Variants in FNBP1 observed in about 807,000 individuals in gnomAD.
The protein encoded by FNBP1 is formin binding protein 1.
FNBP1 carries 26 observed loss-of-function variants against 90.6 expected under a neutral mutation model. That is an observed-to-expected ratio of 0.29 (90% confidence interval 0.21 to 0.40). The LOEUF is 0.40. Among genes scored for constraint, FNBP1 ranks in the 10% least tolerant of loss-of-function variants. The pLI is 1.00. For synonymous variants in FNBP1, 260 were observed against 265.2 expected, an observed-to-expected ratio of 0.98 and a Z score of 0.19; for missense variants, 635 against 768.0, an observed-to-expected ratio of 0.83 and a Z score of 2.05.
At chr9:129,893,001 C>T (rs1482032054) in intron 16 of FNBP1, among the ~76,000 whole-genome samples, 2 of 151,986 alleles carry the variant, frequency 1.3e-5, no homozygotes, top group Admixed American at 1.3e-4. Context: ...GACAGAATGC[C>T]TTTTTTCAAA....
intron 6 of FNBP1, among the ~76,000 whole-genome samples, chr9:129,930,895 T>C (rs80046460): frequency 0.013 from 1,940 of 152,340 alleles, 18 homozygotes; most frequent in Middle Eastern, 0.024. Context: ...ACCTGGCAAA[T>C]TCACTGCAGT....
intron 1 of FNBP1, among the ~76,000 whole-genome samples, chr9:129,999,257 T>C (rs1056829144): frequency 6.6e-6 from 1 of 152,182 alleles, no homozygotes; most frequent in Admixed American, 6.6e-5. Context: ...TCCTGCCTGA[T>C]GTCACATCAC....
At chr9:129,955,550 A>T (rs1209444271) in intron 6 of FNBP1, among the ~76,000 whole-genome samples, 2 of 151,640 alleles carry the variant, frequency 1.3e-5, no homozygotes, top group African/African-American at 4.8e-5. Flanking sequence ...AAAAAAAAAA[A>T]ATTATTTATT....
Position 129,900,742 on chromosome 9 carries a change from G to A in FNBP1, c.1429-195C>T, listed in dbSNP as rs1001698592. Among the ~76,000 whole-genome samples the A allele has an allele frequency of 6.6e-6, 1 of 152,222 alleles. No individual in the cohort carries two copies. The highest frequency in any genetic ancestry group is 2.4e-5 in the African/African-American group (1 of 41,462). ...CAGAATGGCCACGTTTTCTGCCTTC[G>A]ACTGTTCAAATGTACTGAAGGACGG... On this transcript the variant is annotated intron_variant, in intron 13 of 16. Coordinates refer to ENST00000446176, the MANE Select transcript of FNBP1 (RefSeq NM_015033.3). This position sits in a 1 kb window ranked among gnomAD's most constrained non-coding sequence, Gnocchi z 4.1.
chr9:130,030,435 CAA>C (rs66826963), intron 1 of FNBP1, among the ~76,000 whole-genome samples: 549 of 128,262 alleles, frequency 4.3e-3, no homozygotes, highest in Admixed American at 0.011. Flanking sequence ...ACTCCGTCTC[CAA>C]AAAAAAAAAA....
At chr9:130,038,251 A>T (rs1419430239) in intron 1 of FNBP1, among the ~76,000 whole-genome samples, 1 of 149,398 alleles carries the variant, frequency 6.7e-6, no homozygotes, top group African/African-American at 2.5e-5. Context: ...GCTACTCCGG[A>T]GGCTGAGGCT....
intron 1 of FNBP1, among the ~76,000 whole-genome samples, chr9:130,023,530 G>A (rs1392601069): frequency 6.6e-6 from 1 of 152,182 alleles, no homozygotes; most frequent in Non-Finnish European, 1.5e-5. Flanking sequence ...AAGAAGGCTG[G>A]TGCATATAAA....
intron 1 of FNBP1, among the ~76,000 whole-genome samples, chr9:130,012,159 A>T (rs1029892745): frequency 6.6e-6 from 1 of 152,232 alleles, no homozygotes; most frequent in Non-Finnish European, 1.5e-5. Context: ...CTAATGGCTA[A>T]GAATCTGGAT....
Position 129,895,830 on chromosome 9 carries a change from C to T in FNBP1, c.1846+8G>A. ...TTTTTTTATGGTATTAAATATAAGT[C>T]TTAGCACCTTTGGCATTTTTGTCCA... On this transcript the variant is annotated splice_region_variant and intron_variant, in intron 16 of 16. Coordinates refer to ENST00000446176, the MANE Select transcript of FNBP1 (RefSeq NM_015033.3). The T allele has an allele frequency of 6.3e-7, 1 of 1,591,286 alleles. No homozygotes were observed. Among genetic ancestry groups the T allele is most frequent in the Non-Finnish European group, 8.5e-7 (1 of 1,170,066 alleles).
At chr9:130,011,241 A>AAAAAT (rs2056542509) in intron 1 of FNBP1, among the ~76,000 whole-genome samples, 1 of 55,900 alleles carries the variant, frequency 1.8e-5, no homozygotes, top group African/African-American at 7.2e-5. Context: ...AAAAAAAAAA[A>AAAAAT]AAATATATAT....
At chr9:129,988,083 T>C (rs1339796337) in intron 2 of FNBP1, among the ~76,000 whole-genome samples, 1 of 151,990 alleles carries the variant, frequency 6.6e-6, no homozygotes, top group East Asian at 1.9e-4. Flanking sequence ...GACCTAGATG[T>C]ACCAGTTGTT....
rs766843702 is a variant in FNBP1 at position 129,978,594 on chromosome 9, A to G, written c.216T>C (p.Ala72=). ...TCATTTCGTTCAGGTTGGAAATGAA[A>G]GCTTTACATGACGTATACCTATGGA... The part of the protein sequence containing the change: ...EEEYKYTSCK[A]FISNLNEMND... The change falls in exon 4 of 17, where the codon GCT becomes GCC. Residue 72 remains alanine, a synonymous_variant. Transcript: ENST00000446176. The G allele has an allele frequency of 3.0e-5, 48 of 1,613,760 alleles. No homozygotes were observed. Among genetic ancestry groups the G allele is most frequent in the Non-Finnish European group, 4.1e-5 (48 of 1,179,854 alleles).
At chr9:129,985,348 T>G (rs988651683) in intron 2 of FNBP1, among the ~76,000 whole-genome samples, 27 of 152,134 alleles carry the variant, frequency 1.8e-4, no homozygotes, top group African/African-American at 5.8e-4. Context: ...CTCAGCAACC[T>G]TATAAGGTGA....
chr9:129,945,532 C>G (rs1277751610), intron 6 of FNBP1, among the ~76,000 whole-genome samples: 1 of 152,074 alleles, frequency 6.6e-6, no homozygotes. Flanking sequence ...CAATGGTAAC[C>G]AAAATATTCA....
At position 129,966,470 on chromosome 9, in the gene FNBP1, T is replaced by G. The variant is rs1038658916; in HGVS notation, c.346-7917A>C. On this transcript the variant is annotated intron_variant, in intron 4 of 16. Coordinates refer to ENST00000446176, the MANE Select transcript of FNBP1 (RefSeq NM_015033.3). This position sits in a 1 kb window ranked among gnomAD's most constrained non-coding sequence, Gnocchi z 4.3. ...ACAGCCGGATGCAGTGGCTCACGCC[T>G]GTAATCCCAGCACTTTGGGAGGTCG... is the stretch of plus-strand genomic sequence containing the variant. Among the ~76,000 whole-genome samples the G allele has an allele frequency of 1.3e-5, 2 of 152,144 alleles. No individual in the cohort carries two copies. Among genetic ancestry groups the G allele is most frequent in the Non-Finnish European group, 2.9e-5 (2 of 68,022 alleles).
At position 129,890,286 on chromosome 9, in the gene FNBP1, G is replaced by A. The variant is rs1213345255; in HGVS notation, c.*253C>T. The A allele has an allele frequency of 1.9e-6, 1 of 539,708 alleles. No homozygotes were observed. Among genetic ancestry groups the A allele is most frequent in the Non-Finnish European group, 3.3e-6 (1 of 304,202 alleles). 33.4% of individuals were successfully genotyped at this position (539,708 alleles called of 1,614,324 possible). A position where few individuals can be genotyped will look rare whatever the true frequency, so the allele number is the denominator to read the frequency against. ...CGTCTCAGTGGCCTGCGCGGGGTGGGGAGGGGGAGCGATGAGGACTGACCC... is the reference window on the plus strand; with the variant it reads ...CGTCTCAGTGGCCTGCGCGGGGTGGAGAGGGGGAGCGATGAGGACTGACCC... On this transcript the variant is annotated 3_prime_UTR_variant, in exon 17 of 17. Coordinates refer to ENST00000446176, the MANE Select transcript of FNBP1 (RefSeq NM_015033.3). The surrounding 1 kb of genome is among the most constrained non-coding windows in gnomAD (Gnocchi z 5.8).
intron 11 of FNBP1, among the ~76,000 whole-genome samples, chr9:129,911,629 G>A (rs1005449309): frequency 1.3e-5 from 2 of 152,060 alleles, no homozygotes; most frequent in Non-Finnish European, 2.9e-5. Flanking sequence ...AATATCCTTT[G>A]TAATAAACCA....
chr9:129,894,664 C>G (rs1010848628), intron 16 of FNBP1, among the ~76,000 whole-genome samples: 2 of 152,294 alleles, frequency 1.3e-5, no homozygotes, highest in African/African-American at 2.4e-5. Flanking sequence ...CAACAGAAAC[C>G]GAACCAAGTG....
At chr9:130,038,372 A>G (rs907527709) in intron 1 of FNBP1, among the ~76,000 whole-genome samples, 65 of 150,764 alleles carry the variant, frequency 4.3e-4, no homozygotes, top group Middle Eastern at 6.8e-3. Context: ...AAAAAAAAAA[A>G]AAGACATACA....
Sources: gnomAD v4.1 joint callset for allele counts (sites outside exome capture counted in the v4.1 genomes callset) on GRCh38, gnomAD v4.1.1 for gene constraint, Gnocchi (gnomAD v3.1) non-coding constraint, MANE v1.5 for transcripts, NCBI Gene and HGNC (gene_info 2026-07-23, HGNC 2026-07-21) for gene names.